ANO1: variants seen among roughly 807,000 people sequenced by gnomAD.
ANO1 encodes anoctamin 1, also known as anoctamin-1.
ANO1 carries 59 observed loss-of-function variants against 124.0 expected under a neutral mutation model. The observed-to-expected ratio is 0.48, with a 90% CI of 0.39 to 0.59. ANO1 has a LOEUF of 0.59. Among genes scored for constraint, ANO1 ranks in the 20% least tolerant of loss-of-function variants. The probability of loss-of-function intolerance (pLI) is 0.00; values close to 1 mark genes in which losing one functional copy is unlikely to be tolerated. For synonymous variants in ANO1, 529 were observed against 532.0 expected (o/e 0.99, Z 0.08); for missense variants, 1,059 against 1,328.0 (o/e 0.80, Z 3.15).
chr11:70,173,984 G>A (rs1365718646), intron 22 of ANO1, among the ~76,000 whole-genome samples: 2 of 150,880 alleles, frequency 1.3e-5, no homozygotes, highest in Non-Finnish European at 3.0e-5. Context: ...TGCCCAGGCT[G>A]GAGTGCAGTG....
chr11:70,002,667 A>G (rs1856408263), intron 1 of ANO1, among the ~76,000 whole-genome samples: 2 of 152,170 alleles, frequency 1.3e-5, no homozygotes, highest in South Asian at 4.1e-4. Context: ...CATTTCTCAG[A>G]GTCCCTGTGG....
At chr11:69,970,938 G>C in the ANO1 span, among the ~76,000 whole-genome samples, 1 of 152,214 alleles carries the variant, frequency 6.6e-6, no homozygotes, top group Non-Finnish European at 1.5e-5. Flanking sequence ...GGCAAAGAGA[G>C]GCACTCTCCC....
chr11:70,186,062 G>A (rs1482827484), intron 25 of ANO1, among the ~76,000 whole-genome samples: 1 of 152,130 alleles, frequency 6.6e-6, no homozygotes, highest in Admixed American at 6.6e-5. Flanking sequence ...GAGGCAGGTG[G>A]ATCACCTGAG....
intron 1 of ANO1, among the ~76,000 whole-genome samples, chr11:69,995,476 TCCCCTCCAGAA>T (rs1384136564): frequency 6.6e-6 from 1 of 152,108 alleles, no homozygotes; most frequent in Non-Finnish European, 1.5e-5. Context: ...TGTCCTAGGA[TCCCCTCCAGAA>T]CACCACAGTG....
At chr11:70,170,341 A>G (rs1364424989) in intron 21 of ANO1, among the ~76,000 whole-genome samples, 2 of 152,232 alleles carry the variant, frequency 1.3e-5, no homozygotes, top group African/African-American at 2.4e-5. Flanking sequence ...GAGGTGGCTC[A>G]TGCCTGGAAT....
intron 6 of ANO1, among the ~76,000 whole-genome samples, chr11:70,110,184 C>CAT (rs2045714848): frequency 8.5e-6 from 1 of 118,088 alleles, no homozygotes. Context: ...TGTTCACTTT[C>CAT]TTTTTTTTTT....
Position 70,105,454 on chromosome 11 carries a change from G to C in ANO1, c.693-280G>C, listed in dbSNP as rs1471278265. ...AAAAGGAAGCAGGGATCTTCTGGGG[G>C]GCTGTGGGGGGTGGGGGGCTGGAGG... is the stretch of plus-strand genomic sequence containing the variant. On this transcript the variant is annotated intron_variant, in intron 4 of 25. Transcript: ENST00000355303. Among the ~76,000 whole-genome samples the C allele has an allele frequency of 2.6e-5, 4 of 152,100 alleles. No individual in the cohort carries two copies. The East Asian group carries it at 7.7e-4, about 29-fold the overall frequency.
chr11:70,116,416 C>T (rs375300283), intron 7 of ANO1, 42 bp from the exon 8 acceptor site: 1 of 1,566,276 alleles, frequency 6.4e-7, no homozygotes, highest in African/African-American at 1.4e-5. Flanking sequence ...CTCCAAAGCT[C>T]CATTGGATGA....
intron 2 of ANO1, among the ~76,000 whole-genome samples, chr11:70,102,840 C>T (rs541392719): frequency 5.9e-5 from 9 of 152,316 alleles, no homozygotes; most frequent in African/African-American, 1.9e-4. Context: ...TAAAGTTTCC[C>T]GTATGACCTG....
Position 70,103,980 on chromosome 11 carries a change from T to C in ANO1, c.541-19T>C. The C allele has an allele frequency of 6.2e-7, 1 of 1,608,494 alleles. No homozygotes were observed. Among genetic ancestry groups the C allele is most frequent in the South Asian group, 1.1e-5 (1 of 89,838 alleles). ...CCAGCAGGGTGACGCAGCTCCCCGG[T>C]CCCTTGTCTTATCTGCAGATGTACC... On this transcript the variant is annotated intron_variant, in intron 3 of 25. Coordinates refer to ENST00000355303, the MANE Select transcript of ANO1 (RefSeq NM_018043.7).
chr11:69,970,388 C>T, the ANO1 span, among the ~76,000 whole-genome samples: 1 of 152,216 alleles, frequency 6.6e-6, no homozygotes, highest in Non-Finnish European at 1.5e-5. Context: ...GCTGACAGCA[C>T]CGTGGTGTTC....
At position 70,104,061 on chromosome 11, in the gene ANO1, C is replaced by T; in HGVS notation, c.603C>T (p.Ile201=). 1 of 1,612,738 alleles carries T rather than the reference C, an allele frequency of 6.2e-7. No homozygotes were observed. The highest frequency in any genetic ancestry group is 8.5e-7 in the Non-Finnish European group (1 of 1,179,448). The change falls in exon 4 of 26, where the codon ATC becomes ATT. Residue 201 remains isoleucine (I), a synonymous_variant. Transcript: ENST00000355303. ...AAATCAACTCTGTGCTCCAGAAAATCACAGATCCCATCCAGCCCAAAGTGG... is the reference window on the plus strand; with the variant it reads ...AAATCAACTCTGTGCTCCAGAAAATTACAGATCCCATCCAGCCCAAAGTGG... ...LKKINSVLQK[I]TDPIQPKVAE...
At chr11:70,076,924 G>T (rs1047458963), upstream of ANO1, among the ~76,000 whole-genome samples, 5 of 131,102 alleles carry the variant, frequency 3.8e-5, no homozygotes, top group Non-Finnish European at 8.4e-5. Flanking sequence ...GCAGCTTCAG[G>T]CACGCTTAAA....
intron 1 of ANO1, among the ~76,000 whole-genome samples, chr11:70,018,022 T>C (rs7935198): frequency 0.24 from 36,373 of 151,836 alleles, 4,536 homozygotes; most frequent in Admixed American, 0.27. Context: ...ACATAGTTTG[T>C]GGGGCCCAGT....
chr11:70,110,070 C>T (rs2045709279), intron 6 of ANO1, among the ~76,000 whole-genome samples: 1 of 151,996 alleles, frequency 6.6e-6, no homozygotes, highest in Admixed American at 6.5e-5. Context: ...AGAAGGCCTT[C>T]CAGATGGAGG....
At chr11:70,088,114 G>C in intron 2 of ANO1, 30 bp downstream of exon 2, 3 of 227,300 alleles carry the variant, frequency 1.3e-5, no homozygotes, top group Non-Finnish European at 2.4e-5. Flanking sequence ...CTGTTTGTGG[G>C]GGGTGGGGGG....
At chr11:70,086,310 G>A (rs923999168) in intron 1 of ANO1, among the ~76,000 whole-genome samples, 2 of 152,156 alleles carry the variant, frequency 1.3e-5, no homozygotes, top group African/African-American at 2.4e-5. Context: ...CAAACCCCTC[G>A]GGAATTCCAG....
chr11:70,182,069 G>A (rs2048950116), intron 23 of ANO1, among the ~76,000 whole-genome samples: 1 of 152,196 alleles, frequency 6.6e-6, no homozygotes, highest in Non-Finnish European at 1.5e-5. Context: ...GAGGACTTGA[G>A]AGCTTGCAAA....
chr11:70,181,679 C>G (rs1005801775), intron 23 of ANO1, among the ~76,000 whole-genome samples: 17 of 152,048 alleles, frequency 1.1e-4, no homozygotes, highest in African/African-American at 4.1e-4. Flanking sequence ...GTAATCCCAG[C>G]ACTTTGGGAG....
Sources: gnomAD v4.1 joint callset for allele counts (sites outside exome capture counted in the v4.1 genomes callset) on GRCh38, gnomAD v4.1.1 for gene constraint, MANE v1.5 for transcripts, NCBI Gene and HGNC (gene_info 2026-07-23, HGNC 2026-07-21) for gene names.